The following C11orf98 variants were observed in gnomAD, a reference collection of about 807,000 sequenced individuals.
The protein encoded by C11orf98 is 28S rRNA/ribosome and sororin micro-cofactor.
C11orf98 carries 7 observed loss-of-function variants against 10.9 expected under a neutral mutation model. The observed-to-expected ratio is 0.64, with a 90% CI of 0.37 to 1.21. The LOEUF (loss-of-function observed/expected upper bound fraction) is 1.21, where lower values mean the gene tolerates loss of function less well. Ranked by LOEUF, C11orf98 falls within the 50% of genes most tolerant of loss-of-function variation. The pLI is 0.02. For synonymous variants in C11orf98, 70 were observed against 57.2 expected (o/e 1.22, Z -1.01); for missense variants, 181 against 153.7 (o/e 1.18, Z -0.94).
At chr11:62,664,503 G>A (rs1565125137) in intron 2 of C11orf98, among the ~76,000 whole-genome samples, 1 of 151,682 alleles carries the variant, frequency 6.6e-6, no homozygotes, top group East Asian at 1.9e-4. Flanking sequence ...GCTAATTTTT[G>A]TATTTTTAGC....
intron 2 of C11orf98, among the ~76,000 whole-genome samples, chr11:62,663,808 T>C (rs779576533): frequency 6.6e-6 from 1 of 151,368 alleles, no homozygotes; most frequent in Non-Finnish European, 1.5e-5. Context: ...GGCGGTGGCT[T>C]ATGCCTGTAA....
intron 2 of C11orf98, among the ~76,000 whole-genome samples, chr11:62,663,693 C>CA (rs552135889): frequency 0.051 from 3,020 of 59,684 alleles, 117 homozygotes; most frequent in African/African-American, 0.16. Flanking sequence ...GACTCCGTCT[C>CA]AAAAAAAAAA....
At chr11:62,663,587 G>C (rs928124298) in intron 2 of C11orf98, among the ~76,000 whole-genome samples, 1 of 151,794 alleles carries the variant, frequency 6.6e-6, no homozygotes, top group Non-Finnish European at 1.5e-5. Context: ...CCAGCTACTC[G>C]GGAGGCTGCG....
rs1392288663 is a variant in C11orf98, at chr11:62,663,263, C to A, written c.235G>T (p.Ala79Ser). ...TCCATGGCTGTCTTCTCTTTCTGGG[C>A]AAGCCGGATCTGCTGGAGGAGTTTT... ...RRKLLQQIRL[A>S]QKEKTAMEVE... Residue 79 changes from alanine (A) to serine (S), a missense_variant, in exon 3 of 4, where the codon GCC becomes TCC. Physicochemically the swap from Ala to Ser is moderately conservative, Grantham distance 99. Transcript: ENST00000524958. 2 of 1,614,086 alleles carry A rather than the reference C, an allele frequency of 1.2e-6. No homozygotes were observed.
Position 62,665,136 on chromosome 11 carries a change from G to A in C11orf98, c.34C>T (p.Arg12Ter). Residue 12 changes from arginine to a stop codon, truncating the protein, a stop_gained, in exon 1 of 4, where the codon CGA (arginine) becomes TGA (stop). Transcript: ENST00000524958. LOFTEE classifies it high-confidence loss of function. ...GAPGGKINRP[R>*]TELKKKLFKR... ...CGCGGCCCCCACACAGTCACCGTTC[G>A]GGGCCGGTTGATCTTTCCCCCCGGA... The A allele has an allele frequency of 9.4e-7, 1 of 1,063,186 alleles. No individual in the cohort carries two copies. The highest frequency in any genetic ancestry group is 1.4e-6 in the Non-Finnish European group (1 of 714,868). 65.9% of individuals were successfully genotyped at this position (1,063,186 alleles called of 1,614,324 possible).
chr11:62,664,757 G>A lies in C11orf98; in HGVS notation c.164+92C>T, dbSNP rs373602637. 15 of 1,467,666 alleles carry A rather than the reference G, an allele frequency of 1.0e-5. No homozygotes were observed. The African/African-American group carries it at 1.7e-4, about 17-fold the overall frequency. The allele number at this position is 1,467,666 out of a possible 1,614,324, so 90.9% of individuals were successfully genotyped here. ...TCCCCGCATAAGCGTCAGTGCACAA[G>A]GTGAGCTGAGAGGTGAAGCTGCTCC... On this transcript the variant is annotated intron_variant, in intron 2 of 3. Coordinates refer to ENST00000524958, the MANE Select transcript of C11orf98 (RefSeq NM_001286086.2).
intron 2 of C11orf98, 144 bp from the exon 3 acceptor site, chr11:62,663,477 C>T (rs1355229204): frequency 4.0e-6 from 3 of 755,222 alleles, no homozygotes; most frequent in Non-Finnish European, 4.1e-6. Context: ...GAGGCCGAGG[C>T]GGCTGGATCA....
intron 2 of C11orf98, 142 bp from the exon 3 acceptor site, chr11:62,663,475 G>A: frequency 1.3e-6 from 1 of 776,220 alleles, no homozygotes; most frequent in Non-Finnish European, 2.0e-6. Context: ...GGGAGGCCGA[G>A]GCGGCTGGAT....
At chr11:62,664,819 C>A in intron 2 of C11orf98, 30 bp downstream of exon 2, 1 of 1,552,620 alleles carries the variant, frequency 6.4e-7, no homozygotes, top group African/African-American at 1.4e-5. Flanking sequence ...TCGGTGGGGA[C>A]GACCAACAGG....
Position 62,665,170 on chromosome 11 carries a change from A to T in C11orf98, c.-1T>A. The T allele has an allele frequency of 1.2e-6, 1 of 867,342 alleles. No individual in the cohort carries two copies. The highest frequency in any genetic ancestry group is 1.9e-6 in the Non-Finnish European group (1 of 535,550). 53.7% of individuals were successfully genotyped at this position (867,342 alleles called of 1,614,324 possible). A position where few individuals can be genotyped will look rare whatever the true frequency, so the allele number is the denominator to read the frequency against. On this transcript the variant is annotated 5_prime_UTR_variant, in exon 1 of 4. Coordinates refer to ENST00000524958, the MANE Select transcript of C11orf98 (RefSeq NM_001286086.2). Reference sequence around the variant, plus strand: ...TGATCTTTCCCCCCGGAGCTCCCATAGTCGCGATTCCACTCCAGTTCACGG... The same window carrying T: ...TGATCTTTCCCCCCGGAGCTCCCATTGTCGCGATTCCACTCCAGTTCACGG...
intron 2 of C11orf98, 130 bp from the exon 3 acceptor site, chr11:62,663,463 T>C (rs1360302145): frequency 4.4e-6 from 4 of 899,064 alleles, no homozygotes; most frequent in South Asian, 3.6e-5. Context: ...TCCCAGCACT[T>C]TGGGAGGCCG....
At position 62,664,897 on chromosome 11, in the gene C11orf98, GC is replaced by G; in HGVS notation, c.115del (p.Ala39LeufsTer2). 6.3e-7 allele frequency: 1 copy of G among 1,592,766 alleles called. No individual in the cohort carries two copies. Among genetic ancestry groups the G allele is most frequent in the Non-Finnish European group, 8.5e-7 (1 of 1,169,902 alleles). ...ERRLRHRVVGAVIDQGLITRH... is the reference protein window; with the variant it reads ...ERRLRHRVVGXVIDQGLITRH... The stretch of plus-strand genomic sequence containing the variant: ...CGTGATCAGCCCTTGGTCTATCACA[GC>G]CCCGACCACCCGGTGCCTCAGACGC... On this transcript the variant is annotated frameshift_variant, in exon 2 of 4. Transcript: ENST00000524958. LOFTEE classifies it high-confidence loss of function.
intron 2 of C11orf98, among the ~76,000 whole-genome samples, 177 bp downstream of exon 2, chr11:62,664,672 T>C (rs1944745518): frequency 6.6e-6 from 1 of 152,164 alleles, no homozygotes; most frequent in South Asian, 2.1e-4. Context: ...AAAGAAAGGT[T>C]GTCTGCTACA....
chr11:62,663,616 C>G (rs1390829809), intron 2 of C11orf98, among the ~76,000 whole-genome samples: 1 of 150,990 alleles, frequency 6.6e-6, no homozygotes, highest in Non-Finnish European at 1.5e-5. Flanking sequence ...ATGGCGTGAA[C>G]CCAGAAGGCG....
Position 62,662,855 on chromosome 11 carries a change from C to T in C11orf98, c.*195G>A. 1.7e-6 allele frequency: 1 copy of T among 589,030 alleles called. No individual in the cohort carries two copies. The highest frequency in any genetic ancestry group is 3.0e-6 in the Non-Finnish European group (1 of 333,132). The allele number at this position is 589,030 out of a possible 1,614,324, so 36.5% of individuals were successfully genotyped here. Reference sequence around the variant, plus strand: ...GCTTTATTACAAATGGAGTTGACTGCTAGAGAGGCCCTTCTCCAATCTTTC... The same window carrying T: ...GCTTTATTACAAATGGAGTTGACTGTTAGAGAGGCCCTTCTCCAATCTTTC... On this transcript the variant is annotated 3_prime_UTR_variant, in exon 4 of 4. Coordinates refer to ENST00000524958, the MANE Select transcript of C11orf98 (RefSeq NM_001286086.2).
chr11:62,665,063 C>T, intron 1 of C11orf98, 68 bp downstream of exon 1: 3 of 1,566,410 alleles, frequency 1.9e-6, no homozygotes, highest in Non-Finnish European at 2.6e-6. Flanking sequence ...TCACTGATCC[C>T]ATCTCGTGCG....
chr11:62,663,259 T>A lies in C11orf98; in HGVS notation c.239A>T (p.Gln80Leu). The A allele has an allele frequency of 6.2e-7, 1 of 1,614,210 alleles. No individual in the cohort carries two copies. The highest frequency in any genetic ancestry group is 8.5e-7 in the Non-Finnish European group (1 of 1,180,032). ...RKLLQQIRLA[Q>L]KEKTAMEVEA... The stretch of plus-strand genomic sequence containing the variant: ...ACCTTCCATGGCTGTCTTCTCTTTC[T>A]GGGCAAGCCGGATCTGCTGGAGGAG... Residue 80 changes from glutamine to leucine, a missense_variant, in exon 3 of 4, where the codon CAG becomes CTG. By Grantham distance (113) the Gln-to-Leu change is moderately radical (BLOSUM62 -2). Coordinates refer to ENST00000524958, the MANE Select transcript of C11orf98 (RefSeq NM_001286086.2).
intron 2 of C11orf98, 72 bp downstream of exon 2, chr11:62,664,777 T>G (rs1944748566): frequency 6.6e-7 from 1 of 1,526,564 alleles, no homozygotes. Flanking sequence ...GAGGTGAAGC[T>G]GCTCCGGAGC....
At chr11:62,664,572 C>A (rs962815009) in intron 2 of C11orf98, among the ~76,000 whole-genome samples, 2 of 152,086 alleles carry the variant, frequency 1.3e-5, no homozygotes, top group African/African-American at 4.8e-5. Context: ...CTCAGGTGAT[C>A]CGCCCACCTC....
Sources: gnomAD v4.1 joint callset for allele counts (sites outside exome capture counted in the v4.1 genomes callset) on GRCh38, gnomAD v4.1.1 for gene constraint, MANE v1.5 for transcripts, NCBI Gene and HGNC (gene_info 2026-07-23, HGNC 2026-07-21) for gene names.